N4BP2L2: variants seen among roughly 807,000 people sequenced by gnomAD.
The protein encoded by N4BP2L2 is NEDD4 binding protein 2 like 2, also known as NEDD4-binding protein 2-like 2.
Under a neutral mutation model 56.2 loss-of-function variants are expected in N4BP2L2, and 50 were observed. That is an observed-to-expected ratio of 0.89 (90% CI 0.71 to 1.13). The LOEUF (loss-of-function observed/expected upper bound fraction) is 1.13. Among genes scored for constraint, N4BP2L2 ranks in the 50% most tolerant of loss-of-function variants. The probability of loss-of-function intolerance (pLI) is 0.00; values close to 1 mark genes in which losing one functional copy is unlikely to be tolerated. For synonymous variants in N4BP2L2, 203 were observed against 223.6 expected (o/e 0.91, Z 0.82); for missense variants, 689 against 693.8 (o/e 0.99, Z 0.08).
At chr13:32,530,008 G>A (rs996760483) in intron 2 of N4BP2L2, among the ~76,000 whole-genome samples, 2 of 152,132 alleles carry the variant, frequency 1.3e-5, no homozygotes, top group African/African-American at 4.8e-5. Context: ...TTACAGGCGT[G>A]AGCCACCGTG....
In N4BP2L2 at chr13:32,438,734, G is replaced by C. The variant is rs1033342824; in HGVS notation, c.2108C>G (p.Ser703Cys). 5 of 1,605,588 alleles carry C rather than the reference G, an allele frequency of 3.1e-6. No individual in the cohort carries two copies. The Admixed American group carries it at 6.7e-5, about 22-fold the overall frequency. ...AACCACATAGTCATCAGGCAACAAG[G>C]ATTCTGTGAAAGAAAGAAAGACCTA... The change falls in exon 8 of 10, where the codon TCC (serine) becomes TGC (cysteine). Residue 703 changes from serine (S) to cysteine (C), a missense_variant. Coordinates refer to the N4BP2L2 transcript ENST00000357505.
intron 6 of N4BP2L2, among the ~76,000 whole-genome samples, chr13:32,474,842 G>A (rs1240445897): frequency 6.6e-6 from 1 of 152,224 alleles, no homozygotes; most frequent in Non-Finnish European, 1.5e-5. Context: ...TTATCTGAAA[G>A]AGTATCTTCT....
chr13:32,537,298 A>G (rs891926561), intron 1 of N4BP2L2, among the ~76,000 whole-genome samples: 2 of 151,836 alleles, frequency 1.3e-5, no homozygotes, highest in Non-Finnish European at 2.9e-5. Context: ...ACTTTAAACG[A>G]TCCATTTCTG....
At chr13:32,519,106 TAGA>T (rs2050049914) in intron 5 of N4BP2L2, among the ~76,000 whole-genome samples, 1 of 151,842 alleles carries the variant, frequency 6.6e-6, no homozygotes, top group African/African-American at 2.4e-5. Context: ...GCAAAAAAGA[TAGA>T]AGAAAAAATG....
chr13:32,442,662 T>A (rs2076552262), exon 7 of N4BP2L2: 1 of 1,613,836 alleles, frequency 6.2e-7, no homozygotes, highest in South Asian at 1.1e-5. Flanking sequence ...TATTACCTAC[T>A]CTTGTCTGAG....
intron 6 of N4BP2L2, among the ~76,000 whole-genome samples, chr13:32,497,079 GAA>G (rs1248569726): frequency 6.6e-6 from 1 of 152,120 alleles, no homozygotes; most frequent in East Asian, 1.9e-4. Context: ...TTTTGGTCAA[GAA>G]AAAGAGGGGT....
At chr13:32,504,248 G>A (rs2090539448) in intron 6 of N4BP2L2, among the ~76,000 whole-genome samples, 1 of 152,150 alleles carries the variant, frequency 6.6e-6, no homozygotes, top group African/African-American at 2.4e-5. Context: ...TTATTTGCTA[G>A]GGTTCCCACA....
chr13:32,471,902 C>T (rs1482510450), intron 6 of N4BP2L2, among the ~76,000 whole-genome samples: 1 of 152,224 alleles, frequency 6.6e-6, no homozygotes, highest in East Asian at 1.9e-4. Context: ...CTGGGTGTGA[C>T]AGCACAACCT....
Position 32,492,916 on chromosome 13 carries a change from G to GTTTT in N4BP2L2, c.365+24937_365+24940dup, listed in dbSNP as rs35025430. Among the ~76,000 whole-genome samples the GTTTT allele has an allele frequency of 3.1e-3, 331 of 107,480 alleles. 14 individuals carry two copies. Among genetic ancestry groups the GTTTT allele is most frequent in the African/African-American group, 7.8e-3 (211 of 27,128 alleles). 70.5% of individuals were successfully genotyped at this position (107,480 alleles called of 152,430 possible). Reference sequence around the variant, plus strand: ...TGTGTGAATGTTTTGTAGCTTTTCTGTTTTTTTTTTTTTTTTTTTTGAGAC... The same window carrying GTTTT: ...TGTGTGAATGTTTTGTAGCTTTTCTGTTTTTTTTTTTTTTTTTTTTTTTTGAGAC... On this transcript the variant is annotated intron_variant, in intron 6 of 9. Transcript: ENST00000357505.
intron 6 of N4BP2L2, among the ~76,000 whole-genome samples, chr13:32,476,874 G>A (rs927057237): frequency 6.6e-6 from 1 of 152,142 alleles, no homozygotes; most frequent in Non-Finnish European, 1.5e-5. Context: ...GTGCAAGGTG[G>A]GTGTGGCAGG....
At chr13:32,510,448 G>A (rs888159868) in exon 6 of N4BP2L2, 1 of 150,514 alleles carries the variant, frequency 6.6e-6, no homozygotes, top group Non-Finnish European at 1.5e-5. Flanking sequence ...GTCTATTGAT[G>A]TTTAATTTAC....
At chr13:32,536,605 A>C (rs746537786) in exon 2 of N4BP2L2, 1 of 1,613,810 alleles carries the variant, frequency 6.2e-7, no homozygotes, top group Non-Finnish European at 8.5e-7. Context: ...CATGTGCCTC[A>C]TTCCTCCCTT....
At chr13:32,494,405 T>C (rs956036928) in intron 6 of N4BP2L2, among the ~76,000 whole-genome samples, 2 of 152,180 alleles carry the variant, frequency 1.3e-5, no homozygotes, top group Non-Finnish European at 2.9e-5. Flanking sequence ...ATAAGTTGTT[T>C]ACTATTTTTG....
At chr13:32,473,167 A>C (rs950719191) in intron 6 of N4BP2L2, among the ~76,000 whole-genome samples, 31 of 152,084 alleles carry the variant, frequency 2.0e-4, no homozygotes, top group African/African-American at 7.5e-4. Context: ...CTGTAATCCT[A>C]GCTACTCAGA....
intron 4 of N4BP2L2, chr13:32,521,707 G>C (rs897485473): frequency 8.6e-6 from 3 of 346,824 alleles, no homozygotes; most frequent in Non-Finnish European, 1.5e-5. Flanking sequence ...TGGGCGTGGT[G>C]GCTCATGCCT....
In N4BP2L2 at chr13:32,436,287, C is replaced by T. The variant is rs371001492; in HGVS notation, c.*21+74G>A. On this transcript the variant is annotated intron_variant, in intron 9 of 9. Transcript: ENST00000357505. ...CCAGTCGTGCTATAATACATATGAG[C>T]TATTACAAACAAATAATGTCAAGAT... is the stretch of plus-strand genomic sequence containing the variant. 1.3e-3 allele frequency: 865 copies of T among 687,906 alleles called. 14 individuals are homozygous for T. The South Asian group carries it at 0.017, about 14-fold the overall frequency. 42.6% of individuals were successfully genotyped at this position (687,906 alleles called of 1,614,324 possible).
In N4BP2L2 at chr13:32,517,897, T is replaced by C. The variant is rs1166489370; in HGVS notation, c.1657A>G (p.Lys553Glu). ...GGAGGAGGAGGTCTTTGTGTGCTTT[T>C]GTGTGATGGTTCCACTGAATTCATT... is the stretch of plus-strand genomic sequence containing the variant. Residue 553 changes from lysine (K) to glutamate (E), a missense_variant, in exon 6 of 6, where the codon AAA (lysine) becomes GAA (glutamate). By Grantham distance (56) the Lys-to-Glu change is moderately conservative (BLOSUM62 1). Coordinates refer to ENST00000267068, the Ensembl canonical transcript of N4BP2L2. The C allele has an allele frequency of 3.7e-6, 6 of 1,614,146 alleles. No homozygotes were observed. The African/African-American group carries it at 4.0e-5, about 11-fold the overall frequency.
intron 6 of N4BP2L2, among the ~76,000 whole-genome samples, chr13:32,501,802 G>A (rs1357486752): frequency 1.3e-5 from 2 of 151,160 alleles, no homozygotes; most frequent in Non-Finnish European, 2.9e-5. Flanking sequence ...GAGACACAGC[G>A]AGACTCCATC....
At chr13:32,462,205 T>C (rs1027108921) in intron 6 of N4BP2L2, among the ~76,000 whole-genome samples, 1 of 152,106 alleles carries the variant, frequency 6.6e-6, no homozygotes, top group African/African-American at 2.4e-5. Flanking sequence ...TGTACATAAA[T>C]GGATGGGTGG....
Sources: gnomAD v4.1 joint callset for allele counts (sites outside exome capture counted in the v4.1 genomes callset) on GRCh38, gnomAD v4.1.1 for gene constraint, MANE v1.5 for transcripts, NCBI Gene and HGNC (gene_info 2026-07-23, HGNC 2026-07-21) for gene names.